CRPPA: variants seen among roughly 807,000 people sequenced by gnomAD.
CRPPA encodes D-ribitol-5-phosphate cytidylyltransferase.
In CRPPA, 43 loss-of-function variants were observed where a neutral mutation model predicts 52.0. That is an observed-to-expected ratio of 0.83 (90% confidence interval 0.65 to 1.07). The LOEUF is 1.07. CRPPA is among the 50% of genes least tolerant of loss of function. The pLI, the probability that CRPPA is intolerant of heterozygous loss-of-function variation, is 0.00. For missense variants in CRPPA, 629 were observed against 551.7 expected (o/e 1.14, Z -1.40); for synonymous variants, 250 against 203.5 (o/e 1.23, Z -1.94).
chr7:16,144,739 G>A (rs759638950), intron 9 of CRPPA, among the ~76,000 whole-genome samples: 3 of 152,088 alleles, frequency 2.0e-5, no homozygotes, highest in South Asian at 2.1e-4. Flanking sequence ...AAATAAATGC[G>A]AGCGGGGCTG....
intron 6 of CRPPA, among the ~76,000 whole-genome samples, chr7:16,260,088 C>A (rs553914682): frequency 1.3e-4 from 19 of 151,976 alleles, no homozygotes; most frequent in Non-Finnish European, 2.4e-4. Context: ...AAAAAAGAAA[C>A]CAGTATCCAT....
intron 1 of CRPPA, among the ~76,000 whole-genome samples, chr7:16,411,608 T>C (rs1407968553): frequency 2.0e-5 from 3 of 151,480 alleles, no homozygotes; most frequent in Non-Finnish European, 4.4e-5. Context: ...GAACAAAGAC[T>C]GACAGAATTC....
At chr7:16,145,417 T>C (rs962466061) in intron 9 of CRPPA, among the ~76,000 whole-genome samples, 20 of 152,102 alleles carry the variant, frequency 1.3e-4, no homozygotes, top group African/African-American at 4.8e-4. Flanking sequence ...TGCAAGGTTA[T>C]ACAAAACATG....
At chr7:16,408,108 T>TAA (rs912306940) in intron 1 of CRPPA, among the ~76,000 whole-genome samples, 9,641 of 138,026 alleles carry the variant, frequency 0.07, 433 homozygotes, top group East Asian at 0.12. Flanking sequence ...ACTCTGTCTT[T>TAA]AAAAAAAAAA....
intron 9 of CRPPA, among the ~76,000 whole-genome samples, chr7:16,135,844 AT>A (rs1782753554): frequency 6.6e-6 from 1 of 152,140 alleles, no homozygotes; most frequent in Non-Finnish European, 1.5e-5. Context: ...TTTCCATACT[AT>A]TTTTAACTTG....
chr7:16,240,789 A>G (rs1783085073), intron 8 of CRPPA, among the ~76,000 whole-genome samples: 2 of 152,162 alleles, frequency 1.3e-5, no homozygotes. Context: ...ATAAGCAGGT[A>G]AGTAAAAGAT....
chr7:16,100,583 C>T (rs1198403680), intron 9 of CRPPA, among the ~76,000 whole-genome samples: 1 of 152,186 alleles, frequency 6.6e-6, no homozygotes, highest in Non-Finnish European at 1.5e-5. Flanking sequence ...AATATACAAT[C>T]ATGTCATCTG....
chr7:16,396,829 A>G (rs1314647546), intron 2 of CRPPA, among the ~76,000 whole-genome samples: 1 of 152,252 alleles, frequency 6.6e-6, no homozygotes, highest in Non-Finnish European at 1.5e-5. Flanking sequence ...GTGATGGAAT[A>G]CGCTATACGT....
chr7:16,330,987 G>GT (rs1279737753), intron 3 of CRPPA, among the ~76,000 whole-genome samples: 6 of 151,910 alleles, frequency 3.9e-5, no homozygotes, highest in African/African-American at 1.2e-4. Flanking sequence ...TAAGAAACAT[G>GT]TTTTTTTGTT....
chr7:16,384,740 C>A (rs1787208131), intron 2 of CRPPA, among the ~76,000 whole-genome samples: 1 of 152,102 alleles, frequency 6.6e-6, no homozygotes, highest in South Asian at 2.1e-4. Context: ...AATAGGCCAA[C>A]CAAGTCATAA....
intron 2 of CRPPA, among the ~76,000 whole-genome samples, chr7:16,382,043 G>C (rs1476033115): frequency 1.3e-5 from 2 of 151,696 alleles, no homozygotes; most frequent in African/African-American, 2.4e-5. Context: ...GATGATGTTA[G>C]CTGGTGATTT....
chr7:16,262,456 T>G (rs530857779), intron 6 of CRPPA, among the ~76,000 whole-genome samples: 1 of 152,302 alleles, frequency 6.6e-6, no homozygotes, highest in African/African-American at 2.4e-5. Flanking sequence ...TGTTTTCAAT[T>G]TTTAACCTTG....
chr7:16,123,149 G>A (rs17359183), intron 9 of CRPPA, among the ~76,000 whole-genome samples: 44,812 of 151,944 alleles, frequency 0.29, 7,892 homozygotes, highest in Admixed American at 0.4. Flanking sequence ...AAAAAGCTAT[G>A]AGAAATTATA....
At chr7:16,186,450 C>G (rs1041521889) in intron 9 of CRPPA, among the ~76,000 whole-genome samples, 1 of 152,144 alleles carries the variant, frequency 6.6e-6, no homozygotes, top group Non-Finnish European at 1.5e-5. Context: ...TGCTGGCACC[C>G]TATCTTAGAC....
At chr7:16,223,054 G>A (rs1258355969) in intron 8 of CRPPA, among the ~76,000 whole-genome samples, 1 of 151,956 alleles carries the variant, frequency 6.6e-6, no homozygotes, top group Non-Finnish European at 1.5e-5. Flanking sequence ...CAGTTTGAGA[G>A]GCTGAGGCAG....
intron 9 of CRPPA, among the ~76,000 whole-genome samples, chr7:16,211,924 T>C (rs1020788838): frequency 2.6e-5 from 4 of 152,236 alleles, no homozygotes; most frequent in African/African-American, 9.6e-5. Context: ...CAATATGGTT[T>C]ATACTTGTGA....
intron 9 of CRPPA, among the ~76,000 whole-genome samples, chr7:16,143,645 A>C (rs544981730): frequency 1.0e-3 from 157 of 152,322 alleles, no homozygotes; most frequent in African/African-American, 3.6e-3. Context: ...GTTATGTATA[A>C]AGCACTAGTG....
chr7:16,176,467 A>G (rs1394332769), intron 9 of CRPPA, among the ~76,000 whole-genome samples: 3 of 152,164 alleles, frequency 2.0e-5, no homozygotes, highest in Admixed American at 1.3e-4. Flanking sequence ...TTGAAACCAC[A>G]TGAGGTACCA....
rs375859909 is a variant in CRPPA at position 16,244,121 on chromosome 7, A to C, written c.1119+14269T>G. ...TTTAATAAGTATCTTAGTTCTTTTA[A>C]AAACAAAGTCTCAATTTTTTTTTTC... On this transcript the variant is annotated intron_variant, in intron 8 of 9. Coordinates refer to ENST00000407010, the MANE Select transcript of CRPPA (RefSeq NM_001101426.4). 5.9e-5 allele frequency among the ~76,000 whole-genome samples: 9 copies of C among 152,342 alleles called. 1 individual carries two copies. The highest frequency in any genetic ancestry group is 2.2e-4 in the African/African-American group (9 of 41,578).
Sources: gnomAD v4.1 joint callset for allele counts (sites outside exome capture counted in the v4.1 genomes callset) on GRCh38, gnomAD v4.1.1 for gene constraint, MANE v1.5 for transcripts, NCBI Gene and HGNC (gene_info 2026-07-23, HGNC 2026-07-21) for gene names.